The following PIEZO2 variants were observed in gnomAD, a reference collection of about 807,000 sequenced individuals.
PIEZO2 encodes the protein piezo-type mechanosensitive ion channel component 2.
A neutral mutation model predicts 337.3 loss-of-function variants in PIEZO2; 172 were observed. The observed-to-expected ratio is 0.51, with a 90% CI of 0.45 to 0.58. PIEZO2 has a LOEUF of 0.58. Ranked by LOEUF, PIEZO2 falls within the 20% of genes least tolerant of loss-of-function variation. The pLI, the probability that PIEZO2 is intolerant of heterozygous loss-of-function variation, is 0.00. For synonymous variants in PIEZO2, 1,251 were observed against 1,228.5 expected (o/e 1.02, Z -0.38); for missense variants, 3,028 against 3,391.3 (o/e 0.89, Z 2.66).
intron 2 of PIEZO2, among the ~76,000 whole-genome samples, chr18:11,045,359 C>T (rs1391587876): frequency 2.3e-5 from 3 of 128,232 alleles, no homozygotes; most frequent in East Asian, 2.6e-4. Flanking sequence ...GTTTCATTAA[C>T]ATTGAACTTA....
At chr18:10,886,378 G>GTATATATATATA (rs1214519492) in intron 4 of PIEZO2, among the ~76,000 whole-genome samples, 3 of 3,180 alleles carry the variant, frequency 9.4e-4, no homozygotes, top group Admixed American at 5.1e-3. Flanking sequence ...ATGTGTGTGT[G>GTATATATATATA]TGTATATATA....
intron 2 of PIEZO2, among the ~76,000 whole-genome samples, chr18:11,034,105 C>G (rs903051875): frequency 6.6e-6 from 1 of 152,024 alleles, no homozygotes; most frequent in Non-Finnish European, 1.5e-5. Context: ...GACGCTAGTG[C>G]TCGTCGTACC....
intron 2 of PIEZO2, among the ~76,000 whole-genome samples, chr18:11,037,689 CT>C (rs2036971722): frequency 6.6e-6 from 1 of 152,176 alleles, no homozygotes; most frequent in Non-Finnish European, 1.5e-5. Flanking sequence ...CAGAAGACCA[CT>C]TTGCTGTTAA....
chr18:10,935,075 A>ACTGTTT (rs2032309703), intron 3 of PIEZO2, among the ~76,000 whole-genome samples: 1 of 152,076 alleles, frequency 6.6e-6, no homozygotes, highest in African/African-American at 2.4e-5. Flanking sequence ...CTCTGATCAG[A>ACTGTTT]CTGTTTCTGT....
In PIEZO2 at chr18:11,094,672, T is replaced by A. The variant is rs561416097; in HGVS notation, c.65-28450A>T. On this transcript the variant is annotated intron_variant, in intron 1 of 55. Transcript: ENST00000674853. This position sits in a 1 kb window ranked among gnomAD's most constrained non-coding sequence, Gnocchi z 4.4. ...CATTTCTCTCAATAAAGTGAAGAAA[T>A]TCCTTTTGAATTTTTCTGTACAGAT... 3.9e-5 allele frequency among the ~76,000 whole-genome samples: 6 copies of A among 152,330 alleles called. No individual in the cohort carries two copies. In the South Asian group the frequency reaches 1.2e-3, roughly 32 times the overall value.
chr18:10,892,483 G>A (rs2042783964), intron 4 of PIEZO2, among the ~76,000 whole-genome samples: 1 of 152,170 alleles, frequency 6.6e-6, no homozygotes, highest in Admixed American at 6.5e-5. Context: ...GGAAGAGGTG[G>A]GAGGTTGACT....
chr18:10,931,563 C>T lies in PIEZO2; in HGVS notation c.287-20335G>A, dbSNP rs185105061. Among the ~76,000 whole-genome samples the T allele has an allele frequency of 1.2e-4, 19 of 152,284 alleles. No homozygotes were observed. In the East Asian group the frequency reaches 3.5e-3, roughly 28 times the overall value. Reference sequence around the variant, plus strand: ...TTTCAAAGGATTTTTCCTTATTACACAAGTAATGTATATTCACTTAATCAT... The same window carrying T: ...TTTCAAAGGATTTTTCCTTATTACATAAGTAATGTATATTCACTTAATCAT... On this transcript the variant is annotated intron_variant, in intron 3 of 55. Transcript: ENST00000674853.
At chr18:10,898,856 T>C (rs2042972743) in intron 4 of PIEZO2, among the ~76,000 whole-genome samples, 1 of 150,988 alleles carries the variant, frequency 6.6e-6, no homozygotes, top group African/African-American at 2.4e-5. Context: ...TGTCAAGGAG[T>C]GGGGTGGGGG....
Position 10,682,604 on chromosome 18 carries a change from AG to A in PIEZO2, c.7498-313del, listed in dbSNP as rs2034315237. Reference sequence around the variant, plus strand: ...TTCCTGGTGATGAACTCCTGGACCAAGGGATCAAGTATCCGGCCGAATGAAC... The same window carrying A: ...TTCCTGGTGATGAACTCCTGGACCAAGGATCAAGTATCCGGCCGAATGAAC... On this transcript the variant is annotated intron_variant, in intron 49 of 55. Coordinates refer to ENST00000674853, the MANE Select transcript of PIEZO2 (RefSeq NM_001378183.1). The surrounding 1 kb of genome is among the most constrained non-coding windows in gnomAD (Gnocchi z 5.6). Among the ~76,000 whole-genome samples, 1 of 145,602 alleles carries A rather than the reference AG, an allele frequency of 6.9e-6. No homozygotes were observed. Among genetic ancestry groups the A allele is most frequent in the Admixed American group, 6.7e-5 (1 of 14,982 alleles).
At chr18:10,868,576 T>C (rs763783938) in intron 5 of PIEZO2, among the ~76,000 whole-genome samples, 2 of 152,240 alleles carry the variant, frequency 1.3e-5, no homozygotes, top group African/African-American at 2.4e-5. Flanking sequence ...TCCATAATTA[T>C]ATTTAGTATT....
At chr18:10,946,076 C>T (rs569601144) in intron 3 of PIEZO2, among the ~76,000 whole-genome samples, 5 of 152,180 alleles carry the variant, frequency 3.3e-5, no homozygotes, top group Non-Finnish European at 5.9e-5. Context: ...AGAATATTTC[C>T]CAAATTTGAT....
In PIEZO2 at chr18:10,724,912, C is replaced by T; in HGVS notation, c.5029+6495G>A. On this transcript the variant is annotated intron_variant, in intron 36 of 55. Coordinates refer to ENST00000674853, the MANE Select transcript of PIEZO2 (RefSeq NM_001378183.1). The surrounding 1 kb of genome is among the most constrained non-coding windows in gnomAD (Gnocchi z 5.8). The stretch of plus-strand genomic sequence containing the variant: ...CCGGCGGGGGCGTGGCACCCTGGGA[C>T]AGCCTCCACCTGGACGGCGATGGAA... The T allele has an allele frequency of 6.2e-7, 1 of 1,608,640 alleles. No homozygotes were observed. The highest frequency in any genetic ancestry group is 8.5e-7 in the Non-Finnish European group (1 of 1,177,704).
chr18:11,011,274 A>G (rs1296180538), intron 2 of PIEZO2, among the ~76,000 whole-genome samples: 1 of 152,226 alleles, frequency 6.6e-6, no homozygotes, highest in African/African-American at 2.4e-5. Flanking sequence ...TATTTTTTAA[A>G]ATAGTCTTAA....
intron 5 of PIEZO2, among the ~76,000 whole-genome samples, chr18:10,865,919 T>C (rs1051734591): frequency 7.9e-5 from 12 of 152,204 alleles, no homozygotes; most frequent in African/African-American, 2.9e-4. Flanking sequence ...ATGGGGTATT[T>C]GTGGTTATTT....
intron 1 of PIEZO2, among the ~76,000 whole-genome samples, chr18:11,120,177 T>C (rs1011566801): frequency 5.3e-5 from 8 of 152,244 alleles, no homozygotes; most frequent in Non-Finnish European, 8.8e-5. Context: ...GAATTTGTTA[T>C]GTAATACTTG....
intron 4 of PIEZO2, among the ~76,000 whole-genome samples, chr18:10,871,833 A>G (rs2042147865): frequency 6.6e-6 from 1 of 152,242 alleles, no homozygotes; most frequent in African/African-American, 2.4e-5. Flanking sequence ...AAAATGTTAA[A>G]GTAATCCTGG....
At chr18:10,814,262 C>CA (rs1289709766) in intron 7 of PIEZO2, among the ~76,000 whole-genome samples, 217 of 152,238 alleles carry the variant, frequency 1.4e-3, no homozygotes, top group Non-Finnish European at 1.2e-3. Context: ...AGCCACCGTG[C>CA]CCCGTCCCAT....
chr18:10,699,686 G>A (rs2035251299), intron 43 of PIEZO2, among the ~76,000 whole-genome samples: 1 of 151,194 alleles, frequency 6.6e-6, no homozygotes, highest in Non-Finnish European at 1.5e-5. Context: ...GAGGGTCCCA[G>A]TAGGGAAGAG....
chr18:10,845,510 A>T (rs1177663762), intron 7 of PIEZO2, among the ~76,000 whole-genome samples: 1 of 152,178 alleles, frequency 6.6e-6, no homozygotes, highest in African/African-American at 2.4e-5. Context: ...AATCACATAC[A>T]TGTGTTTCTA....
Sources: gnomAD v4.1 joint callset for allele counts (sites outside exome capture counted in the v4.1 genomes callset) on GRCh38, gnomAD v4.1.1 for gene constraint, Gnocchi (gnomAD v3.1) non-coding constraint, MANE v1.5 for transcripts, NCBI Gene and HGNC (gene_info 2026-07-23, HGNC 2026-07-21) for gene names.